GALNT18: variants seen among roughly 807,000 people sequenced by gnomAD.
GALNT18 encodes the protein GalNAc-transferase 18.
GALNT18 carries 44 observed loss-of-function variants against 69.5 expected under a neutral mutation model. The ratio of observed to expected loss-of-function variants is 0.63; its 90% CI spans 0.50 to 0.81. The LOEUF is 0.81. Ranked by LOEUF, GALNT18 falls within the 40% of genes least tolerant of loss-of-function variation. The pLI is 0.00. For missense variants in GALNT18, 715 were observed against 810.0 expected, an observed-to-expected ratio of 0.88 and a Z score of 1.42; for synonymous variants, 364 against 318.2, an observed-to-expected ratio of 1.14 and a Z score of -1.53.
intron 9 of GALNT18, among the ~76,000 whole-genome samples, chr11:11,303,067 C>T (rs1201910638): frequency 6.6e-6 from 1 of 152,180 alleles, no homozygotes; most frequent in Non-Finnish European, 1.5e-5. Context: ...ACTGTTAGTG[C>T]CTCACCCATG....
At chr11:11,280,452 C>T (rs1365978232) in intron 10 of GALNT18, among the ~76,000 whole-genome samples, 1 of 152,070 alleles carries the variant, frequency 6.6e-6, no homozygotes, top group Non-Finnish European at 1.5e-5. Context: ...AGTCTTCCCC[C>T]AGCTGCCCAC....
chr11:11,456,471 G>A lies in GALNT18; in HGVS notation c.236-7535C>T, dbSNP rs145670683. Reference sequence around the variant, plus strand: ...TTCCTAGCGGTGGCAAACAGCTGCCGCCTAAAATACCTCCAGGGCCCCCCT... The same window carrying A: ...TTCCTAGCGGTGGCAAACAGCTGCCACCTAAAATACCTCCAGGGCCCCCCT... On this transcript the variant is annotated intron_variant, in intron 1 of 10. Coordinates refer to ENST00000227756, the MANE Select transcript of GALNT18 (RefSeq NM_198516.3). 9.3e-3 allele frequency among the ~76,000 whole-genome samples: 1,414 copies of A among 152,230 alleles called. 19 individuals carry two copies. Among genetic ancestry groups the A allele is most frequent in the African/African-American group, 0.032 (1,325 of 41,536 alleles).
chr11:11,327,109 T>G lies in GALNT18; in HGVS notation c.1489A>C (p.Ile497Leu), dbSNP rs760643052. The G allele has an allele frequency of 2.5e-6, 4 of 1,613,532 alleles. No individual in the cohort carries two copies. The South Asian group carries it at 3.3e-5, about 13-fold the overall frequency. ...ACCTGAGGCGTCATCCCATGGCAGA[T>G]GTACATGATGGGGACATTCTCTGTA... ...PDTENVPIMY[I>L]CHGMTPQNVY... is the part of the protein sequence containing the mutation. Residue 497 changes from isoleucine to leucine, a missense_variant, in exon 9 of 11, where the codon ATC becomes CTC. Ile to Leu is a conservative substitution (Grantham distance 5). Coordinates refer to ENST00000227756, the MANE Select transcript of GALNT18 (RefSeq NM_198516.3).
chr11:11,322,857 T>C (rs977311493), intron 9 of GALNT18, among the ~76,000 whole-genome samples: 1 of 152,204 alleles, frequency 6.6e-6, no homozygotes, highest in Non-Finnish European at 1.5e-5. Flanking sequence ...GTCAATTTAG[T>C]TTCTGCTTAG....
intron 10 of GALNT18, among the ~76,000 whole-genome samples, chr11:11,284,064 C>T (rs1310764560): frequency 4.6e-5 from 7 of 152,170 alleles, no homozygotes; most frequent in African/African-American, 9.7e-5. Context: ...AATGGCTGAG[C>T]CACTCTGGGC....
intron 1 of GALNT18, 108 bp from the exon 2 acceptor site, chr11:11,449,044 C>T: frequency 2.1e-6 from 2 of 970,632 alleles, no homozygotes. Flanking sequence ...CAATCTTAGC[C>T]CCTTCTTTCG....
chr11:11,340,882 C>A lies in GALNT18; in HGVS notation c.1215G>T (p.Val405=). ...TAAATTCATCCATCCAGACTTCAGC[C>A]ACCCTGAGAGCGTTCCTGCGGACAT... ...TAHVRRNALR[V]AEVWMDEFKS... is the part of the protein sequence containing the mutation. Residue 405 remains valine (V), a synonymous_variant, in exon 7 of 11, where the codon GTG becomes GTT. Transcript: ENST00000227756. The surrounding 1 kb of genome is among the most constrained non-coding windows in gnomAD (Gnocchi z 4.2). 6.2e-7 allele frequency: 1 copy of A among 1,614,044 alleles called. No homozygotes were observed. The highest frequency in any genetic ancestry group is 8.5e-7 in the Non-Finnish European group (1 of 1,179,966).
chr11:11,564,456 C>G lies in GALNT18; in HGVS notation c.235+56903G>C, dbSNP rs766806695. On this transcript the variant is annotated intron_variant, in intron 1 of 10. Transcript: ENST00000227756. The surrounding 1 kb of genome is among the most constrained non-coding windows in gnomAD (Gnocchi z 4.3). ...AAATAGCTCCATCACATGAGACCCC[C>G]CTGGGTCTTCTCATCCATGCCTCCC... Among the ~76,000 whole-genome samples the G allele has an allele frequency of 3.6e-4, 55 of 152,308 alleles. No homozygotes were observed. Among genetic ancestry groups the G allele is most frequent in the Non-Finnish European group, 6.9e-4 (47 of 68,026 alleles).
intron 1 of GALNT18, among the ~76,000 whole-genome samples, chr11:11,450,706 C>T (rs977640190): frequency 2.0e-5 from 3 of 152,258 alleles, no homozygotes; most frequent in African/African-American, 7.2e-5. Context: ...AGAGCTAACA[C>T]TTGATGAGTG....
chr11:11,444,449 C>T lies in GALNT18; in HGVS notation c.428+4295G>A, dbSNP rs765388935. Among the ~76,000 whole-genome samples, 12 of 152,178 alleles carry T rather than the reference C, an allele frequency of 7.9e-5. 1 individual carries two copies. In the East Asian group the frequency reaches 1.5e-3, roughly 20 times the overall value. On this transcript the variant is annotated intron_variant, in intron 2 of 10. Transcript: ENST00000227756. The surrounding 1 kb of genome is among the most constrained non-coding windows in gnomAD (Gnocchi z 4.4). ...CTCAGTGTAAACTCCAGGAGATATC[C>T]GTCCGACGCTTTGTTGGGTGCCGGG...
At chr11:11,426,191 G>C (rs1016619099) in intron 3 of GALNT18, among the ~76,000 whole-genome samples, 14 of 152,286 alleles carry the variant, frequency 9.2e-5, no homozygotes, top group South Asian at 6.2e-4. Flanking sequence ...GATGGGAAGT[G>C]AGTTCAGGCC....
chr11:11,372,814 C>T lies in GALNT18; in HGVS notation c.978-185G>A, dbSNP rs1850943875. 6.6e-6 allele frequency among the ~76,000 whole-genome samples: 1 copy of T among 152,212 alleles called. No homozygotes were observed. The highest frequency in any genetic ancestry group is 1.5e-5 in the Non-Finnish European group (1 of 68,044). On this transcript the variant is annotated intron_variant, in intron 5 of 10. Transcript: ENST00000227756. This position sits in a 1 kb window ranked among gnomAD's most constrained non-coding sequence, Gnocchi z 4.9. ...CCCAACCACTCCAGAAAGGCTGTTT[C>T]ATCCGGGCAGTGGGTAGACAGCTGC...
rs1352100873 is a variant in GALNT18, at chr11:11,356,221, G to A, written c.1093-15217C>T. Among the ~76,000 whole-genome samples, 1 of 152,194 alleles carries A rather than the reference G, an allele frequency of 6.6e-6. No homozygotes were observed. The highest frequency in any genetic ancestry group is 1.5e-5 in the Non-Finnish European group (1 of 68,038). ...ATCTTGTCCAAGGAAAACCACAGCAGTGTCAGAGGAGGAGGAGAAGGAACC... is the reference window on the plus strand; with the variant it reads ...ATCTTGTCCAAGGAAAACCACAGCAATGTCAGAGGAGGAGGAGAAGGAACC... On this transcript the variant is annotated intron_variant, in intron 6 of 10. Transcript: ENST00000227756. This position sits in a 1 kb window ranked among gnomAD's most constrained non-coding sequence, Gnocchi z 4.4.
chr11:11,502,962 G>C (rs557126767), intron 1 of GALNT18, among the ~76,000 whole-genome samples: 1 of 152,238 alleles, frequency 6.6e-6, no homozygotes, highest in South Asian at 2.1e-4. Context: ...AGACACATTG[G>C]CCCAGATTGC....
At position 11,595,960 on chromosome 11, in the gene GALNT18, CCTAAT is replaced by C. The variant is rs548387888; in HGVS notation, c.235+25394_235+25398del. ...TGATGTCATACCTAAGTGGCCTTTG[CCTAAT>C]CTAAAGTCACAAAGATTTAGGTTTG... On this transcript the variant is annotated intron_variant, in intron 1 of 10. Coordinates refer to ENST00000227756, the MANE Select transcript of GALNT18 (RefSeq NM_198516.3). This position sits in a 1 kb window ranked among gnomAD's most constrained non-coding sequence, Gnocchi z 5.2. Among the ~76,000 whole-genome samples the C allele has an allele frequency of 1.2e-4, 19 of 152,056 alleles. No homozygotes were observed. The highest frequency in any genetic ancestry group is 2.1e-4 in the South Asian group (1 of 4,820).
At chr11:11,385,192 T>G (rs1427277900) in intron 3 of GALNT18, among the ~76,000 whole-genome samples, 1 of 152,010 alleles carries the variant, frequency 6.6e-6, no homozygotes. Context: ...GAAAACTCAC[T>G]CATTCTCCCC....
At position 11,404,810 on chromosome 11, in the gene GALNT18, T is replaced by C. The variant is rs1195156272; in HGVS notation, c.596-25546A>G. Among the ~76,000 whole-genome samples, 2 of 152,018 alleles carry C rather than the reference T, an allele frequency of 1.3e-5. No individual in the cohort carries two copies. Among genetic ancestry groups the C allele is most frequent in the African/African-American group, 4.8e-5 (2 of 41,366 alleles). On this transcript the variant is annotated intron_variant, in intron 3 of 10. Coordinates refer to ENST00000227756, the MANE Select transcript of GALNT18 (RefSeq NM_198516.3). The surrounding 1 kb of genome is among the most constrained non-coding windows in gnomAD (Gnocchi z 4.5). ...ACCCTGGCGACTCCATCAGCTATGA[T>C]TTCACCACCACCTGGCCTCAACTTG...
At chr11:11,391,976 T>C (rs1006453504) in intron 3 of GALNT18, among the ~76,000 whole-genome samples, 13 of 152,328 alleles carry the variant, frequency 8.5e-5, no homozygotes, top group African/African-American at 3.1e-4. Flanking sequence ...TAAATATGCA[T>C]TGCAAGAATG....
At chr11:11,472,394 T>A (rs1856292537) in intron 1 of GALNT18, among the ~76,000 whole-genome samples, 1 of 152,232 alleles carries the variant, frequency 6.6e-6, no homozygotes, top group African/African-American at 2.4e-5. Flanking sequence ...GAGCTTCCCT[T>A]TTCTGCCCCC....
Sources: allele counts gnomAD v4.1 joint callset (sites outside exome capture counted in the v4.1 genomes callset), GRCh38; gene constraint gnomAD v4.1.1; non-coding constraint Gnocchi (gnomAD v3.1); transcripts MANE v1.5; gene names NCBI Gene and HGNC (gene_info 2026-07-23, HGNC 2026-07-21).